Variants in CPT1C observed in about 807,000 individuals in gnomAD.
The protein encoded by CPT1C is palmitoyl thioesterase CPT1C.
A neutral mutation model predicts 97.3 loss-of-function variants in CPT1C; 61 were observed. That is an observed-to-expected ratio of 0.63 (90% CI 0.51 to 0.78). The LOEUF is 0.78. Among genes scored for constraint, CPT1C ranks in the 30% least tolerant of loss-of-function variants. CPT1C has a pLI of 0.00. For synonymous variants in CPT1C, 469 were observed against 447.2 expected (o/e 1.05, Z -0.61); for missense variants, 975 against 1,065.5 (o/e 0.92, Z 1.18).
Position 49,707,579 on chromosome 19 carries a change from G to GA in CPT1C, c.1406dup (p.His470AlafsTer70), listed in dbSNP as rs747432784. ...TAACGGGAAGCTGGGCCTCAGCGTG[G>GA]AGCACTCCTGGGCCGACTGCCCCAT... On this transcript the variant is annotated frameshift_variant, in exon 13 of 20. Coordinates refer to ENST00000598293, the MANE Select transcript of CPT1C (RefSeq NM_001199753.2). LOFTEE classifies it high-confidence loss of function. 6.2e-7 allele frequency: 1 copy of GA among 1,613,890 alleles called. No homozygotes were observed. Among genetic ancestry groups the GA allele is most frequent in the South Asian group, 1.1e-5 (1 of 91,048 alleles).
At position 49,710,483 on chromosome 19, in the gene CPT1C, G is replaced by A. The variant is rs2083793191; in HGVS notation, c.1730G>A (p.Arg577Gln). 2 of 1,613,956 alleles carry A rather than the reference G, an allele frequency of 1.2e-6. No homozygotes were observed. Among genetic ancestry groups the A allele is most frequent in the Admixed American group, 1.7e-5 (1 of 59,988 alleles). ...IQIALQLAHF[R>Q]DRGQFCLTYE... ...ATCGCCTTGCAACTGGCCCACTTCC[G>A]GGTCAGTTGGGTTCCCCATCCACAG... Residue 577 changes from arginine (R) to glutamine (Q), a missense_variant and splice_region_variant, in exon 15 of 20, where the codon CGG (arginine) becomes CAG (glutamine). Transcript: ENST00000598293.
Position 49,711,158 on chromosome 19 carries a change from A to G in CPT1C, c.1866+301A>G, listed in dbSNP as rs1243502233. On this transcript the variant is annotated intron_variant, in intron 16 of 19. Transcript: ENST00000598293. ...GCCCAGGCTGGAGTGCAGTGGCACA[A>G]TCTCGGCTTACTGCAACCTCTGCCT... 1.5e-5 allele frequency: 3 copies of G among 199,498 alleles called. No individual in the cohort carries two copies. In the East Asian group the frequency reaches 3.7e-4, roughly 25 times the overall value. 12.4% of individuals were successfully genotyped at this position (199,498 alleles called of 1,614,324 possible). A position where few individuals can be genotyped will look rare whatever the true frequency, so the allele number is the denominator to read the frequency against.
At chr19:49,712,666 G>C in intron 17 of CPT1C, 70 bp from the exon 18 acceptor site, 4 of 1,134,704 alleles carry the variant, frequency 3.5e-6, no homozygotes, top group Non-Finnish European at 5.4e-6. Context: ...GGGATGCAGG[G>C]AGTGAAGTGG....
chr19:49,700,700 G>A lies in CPT1C; in HGVS notation c.298G>A (p.Gly100Arg). 5 of 1,609,540 alleles carry A rather than the reference G, an allele frequency of 3.1e-6. No homozygotes were observed. The highest frequency in any genetic ancestry group is 1.1e-5 in the South Asian group (1 of 91,082). The part of the protein sequence containing the change: ...LLPDWGGQHH[G>R]LRGVLAAALF... ...TCCCCGCAGGGGTGGACAACACCAC[G>A]GGCTCCGGGGGGTCCTGGCAGCCGC... Residue 100 changes from glycine (G) to arginine (R), a missense_variant, in exon 5 of 20, where the codon GGG becomes AGG. Gly to Arg is a moderately radical substitution (Grantham distance 125). Transcript: ENST00000598293.
chr19:49,712,380 G>T, intron 17 of CPT1C: 1 of 338,918 alleles, frequency 3.0e-6, no homozygotes, highest in Non-Finnish European at 5.4e-6. Flanking sequence ...GTTGAGAAAG[G>T]ATGCGTCAGC....
At chr19:49,694,327 G>A (rs2082535320) in intron 3 of CPT1C, among the ~76,000 whole-genome samples, 1 of 151,748 alleles carries the variant, frequency 6.6e-6, no homozygotes, top group South Asian at 2.1e-4. Context: ...TGGGGGTGTT[G>A]CAGTTAAATA....
chr19:49,698,101 A>G (rs2082775127), intron 4 of CPT1C, among the ~76,000 whole-genome samples: 1 of 151,430 alleles, frequency 6.6e-6, no homozygotes, highest in Non-Finnish European at 1.5e-5. Flanking sequence ...ACAGTGGCTC[A>G]TGCCTGTAAT....
intron 6 of CPT1C, 35 bp from the exon 7 acceptor site, chr19:49,701,462 G>A: frequency 6.3e-7 from 1 of 1,591,274 alleles, no homozygotes. Flanking sequence ...GCCGGGGCGG[G>A]CCGGGGGCGT....
At chr19:49,703,287 G>T (rs2083291592) in intron 7 of CPT1C, among the ~76,000 whole-genome samples, 1 of 150,626 alleles carries the variant, frequency 6.6e-6, no homozygotes, top group Admixed American at 6.6e-5. Context: ...TCAGCTCACT[G>T]CAAGCTCTAC....
intron 16 of CPT1C, chr19:49,711,590 G>A (rs2083891049): frequency 3.5e-6 from 2 of 576,648 alleles, no homozygotes; most frequent in South Asian, 4.2e-5. Flanking sequence ...GGACTCTGGG[G>A]CCAGACACAC....
At position 49,705,122 on chromosome 19, in the gene CPT1C, G is replaced by A; in HGVS notation, c.879+8G>A. On this transcript the variant is annotated splice_region_variant and intron_variant, in intron 9 of 19. Coordinates refer to ENST00000598293, the MANE Select transcript of CPT1C (RefSeq NM_001199753.2). ...CGCCAGGAGATACCCCCGGTGAGAG[G>A]GCCCCAGTGGGTTAGGGATGGAGGT... 6.2e-7 allele frequency: 1 copy of A among 1,613,832 alleles called. No individual in the cohort carries two copies. Among genetic ancestry groups the A allele is most frequent in the Non-Finnish European group, 8.5e-7 (1 of 1,179,754 alleles).
At chr19:49,701,450 C>A in intron 6 of CPT1C, 32 bp downstream of exon 6, 2 of 1,587,382 alleles carry the variant, frequency 1.3e-6, no homozygotes, top group Non-Finnish European at 1.7e-6. Context: ...CGGGCTGGGG[C>A]GGCCGGGGCG....
intron 3 of CPT1C, among the ~76,000 whole-genome samples, chr19:49,695,869 T>C (rs555263866): frequency 1.3e-5 from 2 of 149,438 alleles, no homozygotes; most frequent in Non-Finnish European, 3.0e-5. Flanking sequence ...GCATAAGCCA[T>C]TGCCCCTGGC....
chr19:49,712,655 A>G, intron 17 of CPT1C, 81 bp from the exon 18 acceptor site: 1 of 1,044,088 alleles, frequency 9.6e-7, no homozygotes, highest in Non-Finnish European at 1.5e-6. Flanking sequence ...AAAAAAAGCC[A>G]GGGATGCAGG....
At chr19:49,704,187 G>C (rs897935725) in intron 7 of CPT1C, among the ~76,000 whole-genome samples, 2 of 151,654 alleles carry the variant, frequency 1.3e-5, no homozygotes, top group African/African-American at 4.8e-5. Context: ...TCTTTTTTGG[G>C]GGGGACGGAG....
intron 13 of CPT1C, among the ~76,000 whole-genome samples, chr19:49,708,512 G>T (rs2083647186): frequency 6.6e-6 from 1 of 152,048 alleles, no homozygotes; most frequent in African/African-American, 2.4e-5. Flanking sequence ...AAAAGGAAAA[G>T]AAAATAAGGA....
intron 14 of CPT1C, among the ~76,000 whole-genome samples, chr19:49,709,376 A>G (rs1456657607): frequency 6.7e-6 from 1 of 149,556 alleles, no homozygotes; most frequent in Non-Finnish European, 1.5e-5. Flanking sequence ...GTACTCAGCC[A>G]CAACCCCACC....
chr19:49,706,445 G>A lies in CPT1C; in HGVS notation c.1343+32G>A, dbSNP rs1416113700. 1.3e-5 allele frequency: 18 copies of A among 1,433,694 alleles called. No homozygotes were observed. The highest frequency in any genetic ancestry group is 1.6e-5 in the Non-Finnish European group (18 of 1,101,108). 88.8% of individuals were successfully genotyped at this position (1,433,694 alleles called of 1,614,324 possible). On this transcript the variant is annotated intron_variant, in intron 12 of 19. Coordinates refer to ENST00000598293, the MANE Select transcript of CPT1C (RefSeq NM_001199753.2). This position sits in a 1 kb window ranked among gnomAD's most constrained non-coding sequence, Gnocchi z 4.8. ...GAGTCTTGGGATGGGGCCCCCAGAT[G>A]TGGCACCCGAGAATCCAGTATCAGA...
chr19:49,705,158 G>T, intron 9 of CPT1C, 44 bp downstream of exon 9: 1 of 1,613,422 alleles, frequency 6.2e-7, no homozygotes, highest in Non-Finnish European at 8.5e-7. Flanking sequence ...GTGGTCCTGT[G>T]GCCTTTGGGC....
Sources: allele counts gnomAD v4.1 joint callset (sites outside exome capture counted in the v4.1 genomes callset), GRCh38; gene constraint gnomAD v4.1.1; non-coding constraint Gnocchi (gnomAD v3.1); transcripts MANE v1.5; gene names NCBI Gene and HGNC (gene_info 2026-07-23, HGNC 2026-07-21).